Variants in GPC6 observed in about 807,000 individuals in gnomAD.
The protein encoded by GPC6 is glypican 6, also known as glypican-6.
GPC6 carries 14 observed loss-of-function variants against 55.2 expected under a neutral mutation model. The observed-to-expected ratio is 0.25, with a 90% CI of 0.17 to 0.40. The LOEUF (loss-of-function observed/expected upper bound fraction) is 0.40. Ranked by LOEUF, GPC6 falls within the 10% of genes least tolerant of loss-of-function variation. The pLI is 1.00. For missense variants in GPC6, 641 were observed against 708.5 expected (o/e 0.90, Z 1.08); for synonymous variants, 278 against 259.6 (o/e 1.07, Z -0.68).
chr13:94,266,750 C>T (rs139419175), intron 4 of GPC6, among the ~76,000 whole-genome samples: 2 of 152,280 alleles, frequency 1.3e-5, no homozygotes, highest in East Asian at 1.9e-4. Flanking sequence ...TCTGTCTTTC[C>T]TGAAGTCTGG....
chr13:93,292,747 G>A (rs9584103), intron 1 of GPC6, among the ~76,000 whole-genome samples: 68,494 of 151,782 alleles, frequency 0.45, 17,445 homozygotes, highest in African/African-American at 0.7. Context: ...CCTATAGTAA[G>A]AAACTTAAGA....
At chr13:94,330,892 G>T (rs1364455437) in intron 6 of GPC6, among the ~76,000 whole-genome samples, 1 of 151,452 alleles carries the variant, frequency 6.6e-6, no homozygotes, top group East Asian at 1.9e-4. Context: ...CCTTTTATGT[G>T]GTTTTCTTAA....
At chr13:93,504,842 A>AT (rs947131614) in intron 1 of GPC6, among the ~76,000 whole-genome samples, 1 of 152,130 alleles carries the variant, frequency 6.6e-6, no homozygotes, top group Non-Finnish European at 1.5e-5. Flanking sequence ...ACCTCAGGAA[A>AT]CTGAGCATCA....
intron 2 of GPC6, among the ~76,000 whole-genome samples, chr13:93,826,894 AT>A (rs1253571865): frequency 7.9e-5 from 12 of 152,188 alleles, no homozygotes; most frequent in African/African-American, 2.6e-4. Context: ...GGTGGTTTTT[AT>A]CTACAAGACT....
At chr13:93,687,197 C>G (rs1249282393) in intron 2 of GPC6, among the ~76,000 whole-genome samples, 1 of 151,950 alleles carries the variant, frequency 6.6e-6, no homozygotes, top group Non-Finnish European at 1.5e-5. Flanking sequence ...AATTATCTTT[C>G]TTCTTAGTAT....
rs550874571 is a variant in GPC6, at chr13:93,913,575, G to A, written c.711+83030G>A. Among the ~76,000 whole-genome samples, 6 of 151,982 alleles carry A rather than the reference G, an allele frequency of 3.9e-5. No homozygotes were observed. In the South Asian group the frequency reaches 1.0e-3, roughly 26 times the overall value. ...CTCTCATAGCATTTGCTTTTTGTCT[G>A]GAAATTGGAACTCCAATTTCTGTTA... On this transcript the variant is annotated intron_variant, in intron 3 of 8. Transcript: ENST00000377047.
chr13:94,035,706 G>A (rs1344109036), intron 4 of GPC6, among the ~76,000 whole-genome samples: 3 of 151,956 alleles, frequency 2.0e-5, no homozygotes, highest in Non-Finnish European at 4.4e-5. Flanking sequence ...GTGCAATGTG[G>A]CAACATTTTA....
chr13:94,061,747 G>C lies in GPC6; in HGVS notation c.877+33853G>C, dbSNP rs138704781. ...CCTTAAAATAAACCTGCTTGAGAAA[G>C]TGTATTGTTGATGTATGACATCCAT... On this transcript the variant is annotated intron_variant, in intron 4 of 8. Coordinates refer to ENST00000377047, the MANE Select transcript of GPC6 (RefSeq NM_005708.5). Among the ~76,000 whole-genome samples the C allele has an allele frequency of 3.3e-3, 501 of 151,666 alleles. 6 individuals carry two copies. Among genetic ancestry groups the C allele is most frequent in the African/African-American group, 0.012 (488 of 41,346 alleles).
intron 6 of GPC6, among the ~76,000 whole-genome samples, chr13:94,341,513 A>G (rs1014802209): frequency 6.7e-6 from 1 of 149,228 alleles, no homozygotes. Flanking sequence ...TTAACCGGGG[A>G]GGTGGAGGTT....
In GPC6 at chr13:93,947,373, A is replaced by T. The variant is rs375692118; in HGVS notation, c.712-80356A>T. On this transcript the variant is annotated intron_variant, in intron 3 of 8. Coordinates refer to ENST00000377047, the MANE Select transcript of GPC6 (RefSeq NM_005708.5). ...TAAACTGAAGTAGGACAAACCATCCATCGGAAAAAAAAGAGATGAATGGTA... is the reference window on the plus strand; with the variant it reads ...TAAACTGAAGTAGGACAAACCATCCTTCGGAAAAAAAAGAGATGAATGGTA... Among the ~76,000 whole-genome samples the T allele has an allele frequency of 1.4e-4, 21 of 152,226 alleles. No individual in the cohort carries two copies. In the South Asian group the frequency reaches 2.1e-3, roughly 15 times the overall value.
At chr13:93,489,023 T>G (rs979650602) in intron 1 of GPC6, among the ~76,000 whole-genome samples, 1 of 151,568 alleles carries the variant, frequency 6.6e-6, no homozygotes, top group African/African-American at 2.4e-5. Context: ...GCTCTTGGTG[T>G]TTTAGTCATG....
At chr13:94,098,686 T>C (rs1885749975) in intron 4 of GPC6, among the ~76,000 whole-genome samples, 2 of 151,994 alleles carry the variant, frequency 1.3e-5, no homozygotes, top group African/African-American at 4.8e-5. Flanking sequence ...ATCTTCTGAA[T>C]AGGAAAAAAT....
At chr13:94,106,610 A>G (rs1023416371) in intron 4 of GPC6, among the ~76,000 whole-genome samples, 1 of 152,110 alleles carries the variant, frequency 6.6e-6, no homozygotes, top group East Asian at 1.9e-4. Flanking sequence ...TTATTTCCTT[A>G]TAATAATAAG....
intron 1 of GPC6, among the ~76,000 whole-genome samples, chr13:93,307,915 G>A (rs1263529127): frequency 6.6e-6 from 1 of 152,062 alleles, no homozygotes; most frequent in African/African-American, 2.4e-5. Context: ...CAAACATATT[G>A]TACACTGTAA....
intron 6 of GPC6, among the ~76,000 whole-genome samples, chr13:94,327,302 T>C (rs1330679249): frequency 6.6e-6 from 1 of 152,168 alleles, no homozygotes; most frequent in African/African-American, 2.4e-5. Context: ...GACTTGGAAT[T>C]TCGTGGAGAT....
At chr13:93,522,418 A>G (rs7333593) in intron 1 of GPC6, among the ~76,000 whole-genome samples, 143,298 of 151,990 alleles carry the variant, frequency 0.94, 68,120 homozygotes, top group East Asian at 1. Flanking sequence ...CCATTGAACT[A>G]GTTGTAACTT....
chr13:94,349,010 T>C (rs1420845996), intron 6 of GPC6, among the ~76,000 whole-genome samples: 1 of 152,210 alleles, frequency 6.6e-6, no homozygotes, highest in Non-Finnish European at 1.5e-5. Context: ...TTTTAACAAA[T>C]ACATGTGCCT....
At chr13:94,325,419 G>T (rs1444409279) in intron 6 of GPC6, among the ~76,000 whole-genome samples, 1 of 152,170 alleles carries the variant, frequency 6.6e-6, no homozygotes, top group Non-Finnish European at 1.5e-5. Flanking sequence ...ATGCATCTGA[G>T]TTTGCTTTTC....
intron 2 of GPC6, among the ~76,000 whole-genome samples, chr13:93,740,838 G>A (rs1298245453): frequency 1.3e-5 from 2 of 152,112 alleles, no homozygotes; most frequent in Non-Finnish European, 2.9e-5. Context: ...GGACATTGTG[G>A]CTAATTTTGA....
Sources: allele counts gnomAD v4.1 joint callset (sites outside exome capture counted in the v4.1 genomes callset), GRCh38; gene constraint gnomAD v4.1.1; transcripts MANE v1.5; gene names NCBI Gene and HGNC (gene_info 2026-07-23, HGNC 2026-07-21).